Variants in PADI1 observed in about 807,000 individuals in gnomAD.
PADI1 encodes the protein protein-arginine deiminase type-1.
Under a neutral mutation model 74.8 loss-of-function variants are expected in PADI1, and 65 were observed. That is an observed-to-expected ratio of 0.87 (90% CI 0.71 to 1.07). The LOEUF (loss-of-function observed/expected upper bound fraction) is 1.07. Ranked by LOEUF, PADI1 falls within the 50% of genes least tolerant of loss-of-function variation. The probability of loss-of-function intolerance (pLI) is 0.00; values close to 1 mark genes in which losing one functional copy is unlikely to be tolerated. For missense variants in PADI1, 943 were observed against 854.0 expected, an observed-to-expected ratio of 1.10 and a Z score of -1.30; for synonymous variants, 371 against 336.2, an observed-to-expected ratio of 1.10 and a Z score of -1.13.
chr1:17,216,265 G>A (rs1174976041), intron 1 of PADI1, among the ~76,000 whole-genome samples: 1 of 152,228 alleles, frequency 6.6e-6, no homozygotes, highest in Non-Finnish European at 1.5e-5. Context: ...CTGGACTGTG[G>A]GGAGAGAGGG....
At chr1:17,233,856 G>A (rs2072566122) in intron 11 of PADI1, among the ~76,000 whole-genome samples, 1 of 152,240 alleles carries the variant, frequency 6.6e-6, no homozygotes, top group Non-Finnish European at 1.5e-5. Context: ...ATCGGATGAG[G>A]CGAGGCTTCC....
chr1:17,222,585 A>G (rs1175013403), intron 2 of PADI1, 115 bp downstream of exon 2: 18 of 784,972 alleles, frequency 2.3e-5, no homozygotes, highest in African/African-American at 5.2e-5. Context: ...AACCTCACAA[A>G]GCTTATCACA....
intron 1 of PADI1, among the ~76,000 whole-genome samples, chr1:17,211,881 G>T (rs566496433): frequency 3.3e-5 from 5 of 152,244 alleles, no homozygotes; most frequent in Non-Finnish European, 7.3e-5. Flanking sequence ...GGGGCCATGG[G>T]GATGGAATCA....
At chr1:17,243,980 A>G in intron 15 of PADI1, 30 bp from the exon 16 acceptor site, 1 of 1,504,094 alleles carries the variant, frequency 6.6e-7, no homozygotes, top group Non-Finnish European at 9.2e-7. Flanking sequence ...ATAGCCAGAC[A>G]GCCTCCCTCT....
chr1:17,207,697 G>T (rs1466585909), intron 1 of PADI1, among the ~76,000 whole-genome samples: 8 of 152,224 alleles, frequency 5.3e-5, no homozygotes, highest in Non-Finnish European at 1.2e-4. Flanking sequence ...GAGGGGCAAC[G>T]GGAAGTTGCC....
intron 2 of PADI1, among the ~76,000 whole-genome samples, chr1:17,222,697 A>G (rs957439622): frequency 1.3e-5 from 2 of 152,142 alleles, no homozygotes; most frequent in Non-Finnish European, 2.9e-5. Flanking sequence ...GAGTACTCCC[A>G]CAAAACACAA....
At chr1:17,215,820 G>GA (rs972128103) in intron 1 of PADI1, among the ~76,000 whole-genome samples, 3 of 152,058 alleles carry the variant, frequency 2.0e-5, no homozygotes, top group African/African-American at 7.2e-5. Flanking sequence ...GCATAAAACA[G>GA]AAAAAAAATC....
chr1:17,244,385 C>G lies in PADI1; in HGVS notation c.*142C>G, dbSNP rs183009303. 187 of 719,254 alleles carry G rather than the reference C, an allele frequency of 2.6e-4. 1 individual carries two copies. The African/African-American group carries it at 2.8e-3, about 11-fold the overall frequency. The allele number at this position is 719,254 out of a possible 1,614,324, so 44.6% of individuals were successfully genotyped here. A position where few individuals can be genotyped will look rare whatever the true frequency, so the allele number is the denominator to read the frequency against. On this transcript the variant is annotated 3_prime_UTR_variant, in exon 16 of 16. Transcript: ENST00000375471. ...ATCCTGGCCACCATGGGCACCAGGA[C>G]ACAGGGATGGATACCACCTACCCTC...
rs2072729477 is a variant in PADI1 at position 17,239,607 on chromosome 1, T to A, written c.1553-97T>A. On this transcript the variant is annotated intron_variant, in intron 13 of 15. Transcript: ENST00000375471. ...CTGGCTTCTGACCCTGGCACTGAGG[T>A]AGGAGGGAAATCCTGGCCTGGATTA... 3 of 889,720 alleles carry A rather than the reference T, an allele frequency of 3.4e-6. No homozygotes were observed. In the East Asian group the frequency reaches 7.6e-5, roughly 23 times the overall value. 55.1% of individuals were successfully genotyped at this position (889,720 alleles called of 1,614,324 possible). A position where few individuals can be genotyped will look rare whatever the true frequency, so the allele number is the denominator to read the frequency against.
At chr1:17,213,258 T>C (rs911387847) in intron 1 of PADI1, among the ~76,000 whole-genome samples, 1 of 150,856 alleles carries the variant, frequency 6.6e-6, no homozygotes, top group Non-Finnish European at 1.5e-5. Flanking sequence ...CCTGCCTTTC[T>C]TCATGGTCCA....
At position 17,244,250 on chromosome 1, in the gene PADI1, C is replaced by T. The variant is rs375730062; in HGVS notation, c.*7C>T. The T allele has an allele frequency of 3.0e-4, 479 of 1,602,048 alleles. 4 individuals carry two copies. The highest frequency in any genetic ancestry group is 1.7e-4 in the Admixed American group (10 of 59,982). ...GTGGAACATGGTGCCCTGAGCCTGC[C>T]CCCACCCGCCATCCTCTCTGCCCTC... is the stretch of plus-strand genomic sequence containing the variant. On this transcript the variant is annotated 3_prime_UTR_variant, in exon 16 of 16. Transcript: ENST00000375471.
At chr1:17,215,046 A>G (rs1254704271) in intron 1 of PADI1, among the ~76,000 whole-genome samples, 1 of 152,166 alleles carries the variant, frequency 6.6e-6, no homozygotes, top group East Asian at 1.9e-4. Context: ...CAAGTCTTGA[A>G]GGCAGTGGGG....
At chr1:17,231,312 G>T (rs2072485293) in intron 10 of PADI1, among the ~76,000 whole-genome samples, 1 of 152,184 alleles carries the variant, frequency 6.6e-6, no homozygotes, top group Non-Finnish European at 1.5e-5. Context: ...CCCAGGCCAT[G>T]CAGCAAGTTA....
intron 1 of PADI1, among the ~76,000 whole-genome samples, chr1:17,219,421 G>A (rs752737458): frequency 6.6e-6 from 1 of 152,152 alleles, no homozygotes; most frequent in Non-Finnish European, 1.5e-5. Flanking sequence ...AGCGGTGTCC[G>A]AGTGGGTTGC....
At position 17,205,327 on chromosome 1, in the gene PADI1, C is replaced by T; in HGVS notation, c.92+18C>T. On this transcript the variant is annotated intron_variant, in intron 1 of 15. Transcript: ENST00000375471. ...ATTCACAGGTAAGAGCTGGGAGGCG[C>T]TCTCCTGGCTGCAGAGAGCTGGGTT... 2.5e-6 allele frequency: 4 copies of T among 1,596,240 alleles called. No homozygotes were observed. Among genetic ancestry groups the T allele is most frequent in the Non-Finnish European group, 3.4e-6 (4 of 1,163,960 alleles).
intron 9 of PADI1, 42 bp downstream of exon 9, chr1:17,230,250 G>A (rs374679585): frequency 1.3e-6 from 2 of 1,596,600 alleles, no homozygotes; most frequent in African/African-American, 2.7e-5. Flanking sequence ...AGCCTGGCTT[G>A]GGGAAAGGGA....
rs140722669 is a variant in PADI1, at chr1:17,235,281, A to G, written c.1314-2033A>G. On this transcript the variant is annotated intron_variant, in intron 11 of 15. Coordinates refer to ENST00000375471, the MANE Select transcript of PADI1 (RefSeq NM_013358.3). The stretch of plus-strand genomic sequence containing the variant: ...AGGAAGGGAAGGAAGGAAGGAAGGA[A>G]GGAAGGAAGGAGGGAAGGAAGGAAG... Among the ~76,000 whole-genome samples the G allele has an allele frequency of 1.1e-4, 15 of 134,074 alleles. 1 individual carries two copies. Among genetic ancestry groups the G allele is most frequent in the African/African-American group, 4.6e-4 (14 of 30,176 alleles). 88.0% of individuals were successfully genotyped at this position (134,074 alleles called of 152,430 possible).
chr1:17,229,957 C>T, intron 8 of PADI1, 128 bp from the exon 9 acceptor site: 2 of 828,658 alleles, frequency 2.4e-6, no homozygotes, highest in Non-Finnish European at 3.8e-6. Context: ...CTATGAGCCT[C>T]TCAAGGTCAT....
At chr1:17,219,329 C>A (rs2977287) in intron 1 of PADI1, among the ~76,000 whole-genome samples, 3 of 152,066 alleles carry the variant, frequency 2.0e-5, no homozygotes, top group African/African-American at 7.2e-5. Flanking sequence ...GTAGAGAGGA[C>A]TCAGCCTTCA....
Sources: gnomAD v4.1 joint callset for allele counts (sites outside exome capture counted in the v4.1 genomes callset) on GRCh38, gnomAD v4.1.1 for gene constraint, MANE v1.5 for transcripts, NCBI Gene and HGNC (gene_info 2026-07-23, HGNC 2026-07-21) for gene names.